Variants in COL5A2 observed in about 807,000 individuals in gnomAD.
COL5A2 encodes collagen type V alpha 2 chain.
Under a neutral mutation model 208.2 loss-of-function variants are expected in COL5A2, and 23 were observed. The observed-to-expected ratio is 0.11, with a 90% CI of 0.08 to 0.16. The LOEUF (loss-of-function observed/expected upper bound fraction) is 0.16. Ranked by LOEUF, COL5A2 falls within the 10% of genes least tolerant of loss-of-function variation. The pLI is 1.00. For synonymous variants in COL5A2, 625 were observed against 628.5 expected (o/e 0.99, Z 0.08); for missense variants, 1,590 against 1,956.4 (o/e 0.81, Z 3.53).
the COL5A2 span, among the ~76,000 whole-genome samples, chr2:189,338,617 T>G: frequency 4.0e-5 from 6 of 151,434 alleles, no homozygotes; most frequent in Non-Finnish European, 7.4e-5. Context: ...TGGCTTTTTC[T>G]GATAATAACT....
At chr2:189,298,800 GAT>G in the COL5A2 span, among the ~76,000 whole-genome samples, 2 of 152,244 alleles carry the variant, frequency 1.3e-5, no homozygotes, top group African/African-American at 4.8e-5. Flanking sequence ...AGGAGTAAGG[GAT>G]ATATCTAACA....
At chr2:189,037,211 A>C (rs973116736) in intron 51 of COL5A2, among the ~76,000 whole-genome samples, 4 of 152,222 alleles carry the variant, frequency 2.6e-5, no homozygotes, top group Middle Eastern at 3.2e-3. Flanking sequence ...CATCAAAACT[A>C]TGAGTAAAGT....
intron 6 of COL5A2, among the ~76,000 whole-genome samples, chr2:189,093,882 T>C (rs897755583): frequency 6.6e-6 from 1 of 152,228 alleles, no homozygotes; most frequent in East Asian, 1.9e-4. Context: ...GGTTTATTCA[T>C]ACAGCCTTGT....
intron 1 of COL5A2, among the ~76,000 whole-genome samples, chr2:189,190,146 A>G (rs1158683510): frequency 1.3e-5 from 2 of 152,194 alleles, no homozygotes; most frequent in Non-Finnish European, 2.9e-5. Flanking sequence ...AGTAAATACT[A>G]AAGCAGGTTT....
chr2:189,097,236 T>A, intron 6 of COL5A2, 41 bp downstream of exon 6: 1 of 1,598,366 alleles, frequency 6.3e-7, no homozygotes, highest in Non-Finnish European at 8.6e-7. Context: ...GTAAACTGAC[T>A]GGCTGTACGT....
At chr2:189,432,989 C>T in the COL5A2 span, among the ~76,000 whole-genome samples, 1 of 152,186 alleles carries the variant, frequency 6.6e-6, no homozygotes, top group African/African-American at 2.4e-5. Flanking sequence ...GTCTCTCAGA[C>T]CACAGTGCAA....
chr2:189,331,174 T>G, the COL5A2 span, among the ~76,000 whole-genome samples: 3 of 151,980 alleles, frequency 2.0e-5, no homozygotes, highest in African/African-American at 7.3e-5. Flanking sequence ...TATGAAGAAG[T>G]CATTTGATAA....
At chr2:189,180,650 G>T (rs76245490), upstream of COL5A2, among the ~76,000 whole-genome samples, 3,669 of 152,224 alleles carry the variant, frequency 0.024, 151 homozygotes, top group African/African-American at 0.084. Flanking sequence ...AGTGTACAGG[G>T]TTTAGTGACA....
In COL5A2 at chr2:189,079,117, A is replaced by C. The variant is rs770126461; in HGVS notation, c.961-10T>G. 2.0e-5 allele frequency: 33 copies of C among 1,610,464 alleles called. No homozygotes were observed. The highest frequency in any genetic ancestry group is 2.7e-5 in the Non-Finnish European group (32 of 1,176,986). On this transcript the variant is annotated splice_polypyrimidine_tract_variant and intron_variant, in intron 14 of 53. Transcript: ENST00000374866. ...TGGGGCCAGCTTCACCCTAAAAAAA[A>C]ATGAGAATACATTACAGTATGAGAA...
the COL5A2 span, among the ~76,000 whole-genome samples, chr2:189,341,548 T>A: frequency 6.6e-6 from 1 of 151,850 alleles, no homozygotes; most frequent in African/African-American, 2.4e-5. Context: ...AAATACTATA[T>A]AACAAAACAG....
At chr2:189,130,623 C>A (rs1687691251) in intron 1 of COL5A2, among the ~76,000 whole-genome samples, 1 of 151,670 alleles carries the variant, frequency 6.6e-6, no homozygotes, top group Non-Finnish European at 1.5e-5. Flanking sequence ...CAGAGTATTG[C>A]CACCATATTT....
At chr2:189,393,098 AAT>A in the COL5A2 span, among the ~76,000 whole-genome samples, 1 of 152,202 alleles carries the variant, frequency 6.6e-6, no homozygotes, top group Admixed American at 6.5e-5. Context: ...TTTAATTAAC[AAT>A]GTCATTTTAG....
intron 13 of COL5A2, among the ~76,000 whole-genome samples, chr2:189,080,633 C>G (rs913564425): frequency 1.3e-5 from 2 of 152,132 alleles, no homozygotes; most frequent in African/African-American, 4.8e-5. Flanking sequence ...CTAGTACTCT[C>G]TATCTCTACC....
chr2:189,305,787 C>T, the COL5A2 span, among the ~76,000 whole-genome samples: 1 of 149,988 alleles, frequency 6.7e-6, no homozygotes, highest in Admixed American at 6.7e-5. Flanking sequence ...GAATATCTTC[C>T]ATCCTGGAAG....
chr2:189,403,967 G>A, the COL5A2 span, among the ~76,000 whole-genome samples: 15 of 152,092 alleles, frequency 9.9e-5, no homozygotes, highest in Admixed American at 1.3e-4. Flanking sequence ...TCCTGACCTC[G>A]TGATCCACCC....
upstream of COL5A2, chr2:189,179,778 C>T (rs1688749562): frequency 6.8e-6 from 7 of 1,029,948 alleles, no homozygotes; most frequent in East Asian, 7.8e-5. Context: ...TTTTTTCAAG[C>T]GATGCAGCTT....
At chr2:189,201,394 T>C (rs1458351100) in intron 1 of COL5A2, among the ~76,000 whole-genome samples, 1 of 151,832 alleles carries the variant, frequency 6.6e-6, no homozygotes, top group Non-Finnish European at 1.5e-5. Context: ...AATTGGAAGA[T>C]ACAAGTTAAG....
chr2:189,119,554 G>GT (rs1197087970), intron 1 of COL5A2, among the ~76,000 whole-genome samples: 3 of 151,918 alleles, frequency 2.0e-5, no homozygotes, highest in Non-Finnish European at 2.9e-5. Context: ...TATTCATTCA[G>GT]TTTTTTAAAT....
intron 1 of COL5A2, among the ~76,000 whole-genome samples, chr2:189,160,966 G>A (rs932737602): frequency 6.6e-6 from 1 of 151,466 alleles, no homozygotes; most frequent in African/African-American, 2.4e-5. Flanking sequence ...GAGTAGCTGG[G>A]ATTATAGGCA....
Sources: allele counts gnomAD v4.1 joint callset (sites outside exome capture counted in the v4.1 genomes callset), GRCh38; gene constraint gnomAD v4.1.1; transcripts MANE v1.5; gene names NCBI Gene and HGNC (gene_info 2026-07-23, HGNC 2026-07-21).